MAF: variants seen among roughly 807,000 people sequenced by gnomAD.
MAF encodes transcription factor Maf.
MAF carries 10 observed loss-of-function variants against 22.0 expected under a neutral mutation model. The ratio of observed to expected loss-of-function variants is 0.45; its 90% CI spans 0.28 to 0.77. MAF has a LOEUF of 0.77. Ranked by LOEUF, MAF falls within the 30% of genes least tolerant of loss-of-function variation. The pLI, the probability that MAF is intolerant of heterozygous loss-of-function variation, is 0.12. For missense variants in MAF, 544 were observed against 548.4 expected (o/e 0.99, Z 0.08); for synonymous variants, 337 against 255.8 (o/e 1.32, Z -3.03).
chr16:79,323,128 G>T, the MAF span, among the ~76,000 whole-genome samples: 1 of 115,794 alleles, frequency 8.6e-6, no homozygotes, highest in East Asian at 3.0e-4. Context: ...CAGCCTGGGT[G>T]ACAGCGCGAG....
chr16:79,315,104 T>TATTC, the MAF span, among the ~76,000 whole-genome samples: 1 of 152,238 alleles, frequency 6.6e-6, no homozygotes. Flanking sequence ...TTATTTCATT[T>TATTC]ATTCATTCAT....
At chr16:79,314,499 C>A in the MAF span, among the ~76,000 whole-genome samples, 1,130 of 152,266 alleles carry the variant, frequency 7.4e-3, 15 homozygotes, top group African/African-American at 0.026. Flanking sequence ...GGTCAGCTTT[C>A]CCCAGGGAGG....
the MAF span, among the ~76,000 whole-genome samples, chr16:79,421,783 G>A: frequency 6.6e-6 from 1 of 151,140 alleles, no homozygotes; most frequent in Non-Finnish European, 1.5e-5. Context: ...CTTTTGTTTT[G>A]TTTTTTTCTT....
the MAF span, among the ~76,000 whole-genome samples, chr16:79,296,479 A>C: frequency 6.6e-6 from 1 of 152,216 alleles, no homozygotes; most frequent in Non-Finnish European, 1.5e-5. Flanking sequence ...ATGTTTACTT[A>C]TGTAACAAAC....
At chr16:79,361,585 C>G in the MAF span, among the ~76,000 whole-genome samples, 26 of 152,176 alleles carry the variant, frequency 1.7e-4, no homozygotes, top group Admixed American at 1.6e-3. Flanking sequence ...TAAAAGCTGT[C>G]AGTCTCTGTC....
the MAF span, among the ~76,000 whole-genome samples, chr16:79,460,806 C>G: frequency 2.6e-5 from 4 of 152,070 alleles, no homozygotes; most frequent in Admixed American, 2.6e-4. Context: ...CTAACCTTAT[C>G]CAAAGGCATT....
chr16:79,425,069 G>A, the MAF span, among the ~76,000 whole-genome samples: 3 of 151,860 alleles, frequency 2.0e-5, no homozygotes, highest in East Asian at 1.9e-4. Flanking sequence ...AATTTTTATC[G>A]TAGCCTTTTT....
At chr16:79,275,515 C>T in the MAF span, among the ~76,000 whole-genome samples, 1 of 152,182 alleles carries the variant, frequency 6.6e-6, no homozygotes, top group African/African-American at 2.4e-5. Flanking sequence ...CAAGGAAAGT[C>T]ACTTGCTCAG....
chr16:79,462,967 G>T, the MAF span, among the ~76,000 whole-genome samples: 1 of 152,200 alleles, frequency 6.6e-6, no homozygotes, highest in Non-Finnish European at 1.5e-5. Context: ...TTAGAGGGTG[G>T]TAAAGGATGG....
chr16:79,357,900 G>T, the MAF span, among the ~76,000 whole-genome samples: 1 of 152,232 alleles, frequency 6.6e-6, no homozygotes, highest in African/African-American at 2.4e-5. Flanking sequence ...AAGGTGGCCA[G>T]CATCTCAGGG....
the MAF span, among the ~76,000 whole-genome samples, chr16:79,393,304 C>A: frequency 5.4e-4 from 82 of 152,298 alleles, 2 homozygotes; most frequent in East Asian, 0.015. Flanking sequence ...TATTCCCTTG[C>A]AGGGTGGGTC....
At chr16:79,556,021 T>C in the MAF span, among the ~76,000 whole-genome samples, 2 of 152,068 alleles carry the variant, frequency 1.3e-5, no homozygotes, top group African/African-American at 4.8e-5. Context: ...GTTAGTTTAG[T>C]TTAGTTTAGT....
At chr16:79,590,040 G>A (rs1913097813), downstream of MAF, among the ~76,000 whole-genome samples, 1 of 152,194 alleles carries the variant, frequency 6.6e-6, no homozygotes, top group African/African-American at 2.4e-5. Flanking sequence ...CAGTCCCTGC[G>A]CACCTACTGT....
chr16:79,549,474 G>A, the MAF span, among the ~76,000 whole-genome samples: 1 of 152,192 alleles, frequency 6.6e-6, no homozygotes, highest in Admixed American at 6.5e-5. Context: ...AACAACTGCA[G>A]GTCATTAATG....
the MAF span, among the ~76,000 whole-genome samples, chr16:79,489,182 C>T: frequency 6.6e-6 from 1 of 152,156 alleles, no homozygotes; most frequent in Non-Finnish European, 1.5e-5. Flanking sequence ...CCTATCCACA[C>T]ATCCATTTAT....
At chr16:79,519,629 G>A in the MAF span, among the ~76,000 whole-genome samples, 1 of 152,210 alleles carries the variant, frequency 6.6e-6, no homozygotes. Flanking sequence ...AGAAGGGACT[G>A]TAGCCCGGGT....
At chr16:79,419,869 C>G in the MAF span, among the ~76,000 whole-genome samples, 1 of 151,866 alleles carries the variant, frequency 6.6e-6, no homozygotes, top group Non-Finnish European at 1.5e-5. Context: ...GCAAACTTTG[C>G]TTTCTTTGGT....
the MAF span, among the ~76,000 whole-genome samples, chr16:79,435,246 G>GCACACA: frequency 6.5e-4 from 97 of 150,262 alleles, 1 homozygote; most frequent in African/African-American, 2.3e-3. Flanking sequence ...CTGCGACTGT[G>GCACACA]CACACACACA....
At chr16:79,339,653 AT>A in the MAF span, among the ~76,000 whole-genome samples, 1 of 152,248 alleles carries the variant, frequency 6.6e-6, no homozygotes, top group African/African-American at 2.4e-5. Context: ...TGTGTAAAAA[AT>A]AACAATATTA....
Sources: gnomAD v4.1 joint callset for allele counts (sites outside exome capture counted in the v4.1 genomes callset) on GRCh38, gnomAD v4.1.1 for gene constraint, MANE v1.5 for transcripts, NCBI Gene and HGNC (gene_info 2026-07-23, HGNC 2026-07-21) for gene names.